Variants in LEO1 observed in about 807,000 individuals in gnomAD.
LEO1 encodes RNA polymerase-associated protein LEO1.
A neutral mutation model predicts 80.4 loss-of-function variants in LEO1; 34 were observed. That is an observed-to-expected ratio of 0.42 (90% confidence interval 0.32 to 0.56). The LOEUF (loss-of-function observed/expected upper bound fraction) is 0.56. Ranked by LOEUF, LEO1 falls within the 20% of genes least tolerant of loss-of-function variation. The pLI is 0.10. For synonymous variants in LEO1, 262 were observed against 274.9 expected (o/e 0.95, Z 0.46); for missense variants, 631 against 814.2 (o/e 0.77, Z 2.74).
rs773009070 is a variant in LEO1, at chr15:51,965,951, T to C, written c.612A>G (p.Leu204=). ...CAGAATTAGCCTTTTCCTCCTCAGA[T>C]AGCTGTTGTCTCTCATCATCGGAAA... is the stretch of plus-strand genomic sequence containing the variant. ...PQLSDDERQQ[L]SEEEKANSDD... The change falls in exon 2 of 12, where the codon CTA becomes CTG. Residue 204 remains leucine, a synonymous_variant. Transcript: ENST00000299601. 13 of 1,613,958 alleles carry C rather than the reference T, an allele frequency of 8.1e-6. No homozygotes were observed. Among genetic ancestry groups the C allele is most frequent in the African/African-American group, 4.0e-5 (3 of 74,920 alleles).
At chr15:51,946,349 C>T (rs1595932614) in intron 11 of LEO1, among the ~76,000 whole-genome samples, 1 of 151,930 alleles carries the variant, frequency 6.6e-6, no homozygotes, top group Non-Finnish European at 1.5e-5. Flanking sequence ...AGGCATGCGC[C>T]ACCACGCCCT....
Position 51,962,598 on chromosome 15 carries a change from T to C in LEO1, c.815-105A>G, listed in dbSNP as rs537046878. On this transcript the variant is annotated intron_variant, in intron 2 of 11. Coordinates refer to ENST00000299601, the MANE Select transcript of LEO1 (RefSeq NM_138792.4). ...AACAAATTGTGATACAATGGACTAC[T>C]ACTCAGCAATAAAGAGGAATGAACT... is the stretch of plus-strand genomic sequence containing the variant. 936 of 690,906 alleles carry C rather than the reference T, an allele frequency of 1.4e-3. 1 individual carries two copies. Among genetic ancestry groups the C allele is most frequent in the Admixed American group, 2.8e-3 (110 of 38,842 alleles). The allele number at this position is 690,906 out of a possible 1,614,324, so 42.8% of individuals were successfully genotyped here.
intron 11 of LEO1, among the ~76,000 whole-genome samples, chr15:51,942,526 T>A (rs1446043113): frequency 6.6e-6 from 1 of 152,162 alleles, no homozygotes; most frequent in African/African-American, 2.4e-5. Flanking sequence ...AAAAATAGCA[T>A]CTGCTTAGAT....
Position 51,960,647 on chromosome 15 carries a change from G to T in LEO1, c.1006C>A (p.Gln336Lys), listed in dbSNP as rs1478252048. The part of the protein sequence containing the change: ...DGEDKPPTPG[Q>K]PVDENGLPQD... ...GTTACTAACTGACTTACAACAGGCT[G>T]TCCTGGAGTAGGTGGTTTGTCTTCT... The change falls in exon 4 of 12, where the codon CAG (glutamine) becomes AAG (lysine). Residue 336 changes from glutamine (Q) to lysine (K), a missense_variant. This residue lies in a region of LEO1 where 95 missense variants were observed against 171.7 expected (regional missense o/e 0.55). Coordinates refer to ENST00000299601, the MANE Select transcript of LEO1 (RefSeq NM_138792.4). 1 of 1,587,650 alleles carries T rather than the reference G, an allele frequency of 6.3e-7. No individual in the cohort carries two copies. The highest frequency in any genetic ancestry group is 2.2e-5 in the East Asian group (1 of 44,760).
chr15:51,968,714 A>C (rs2057098226), intron 1 of LEO1, among the ~76,000 whole-genome samples: 1 of 152,022 alleles, frequency 6.6e-6, no homozygotes, highest in South Asian at 2.1e-4. Flanking sequence ...CTGTAGTCCC[A>C]GCTACTTGGG....
chr15:51,971,448 G>T (rs534398358), intron 1 of LEO1, among the ~76,000 whole-genome samples: 1 of 152,262 alleles, frequency 6.6e-6, no homozygotes, highest in African/African-American at 2.4e-5. Context: ...CGCCCCTTTC[G>T]CTCCACAAGC....
chr15:51,961,064 C>A (rs1480929349), intron 3 of LEO1, among the ~76,000 whole-genome samples: 1 of 152,166 alleles, frequency 6.6e-6, no homozygotes, highest in African/African-American at 2.4e-5. Flanking sequence ...CCACAGACAC[C>A]CATTTTCCAT....
At chr15:51,971,009 A>C (rs930995714) in intron 1 of LEO1, among the ~76,000 whole-genome samples, 3 of 152,214 alleles carry the variant, frequency 2.0e-5, no homozygotes, top group African/African-American at 7.2e-5. Flanking sequence ...ACTTCCAAGC[A>C]GCATGCACAT....
In LEO1 at chr15:51,960,683, C is replaced by G; in HGVS notation, c.970G>C (p.Gly324Arg). 6.2e-7 allele frequency: 1 copy of G among 1,612,280 alleles called. No homozygotes were observed. Among genetic ancestry groups the G allele is most frequent in the Non-Finnish European group, 8.5e-7 (1 of 1,178,256 alleles). The change falls in exon 4 of 12, where the codon GGG becomes CGG. Residue 324 changes from glycine to arginine, a missense_variant. By Grantham distance (125) the Gly-to-Arg change is moderately radical. Around this residue, in one of 4 missense-constraint regions of LEO1, gnomAD observed 394 missense variants for 395.6 expected, o/e 1.00. Coordinates refer to ENST00000299601, the MANE Select transcript of LEO1 (RefSeq NM_138792.4). The part of the protein sequence containing the change: ...LFGGADDISS[G>R]SDGEDKPPTP... ...GGTGGTTTGTCTTCTCCATCACTCC[C>G]TGAAGAGATATCATCTGCACCTCCA...
intron 11 of LEO1, among the ~76,000 whole-genome samples, chr15:51,941,266 G>T (rs1462346151): frequency 2.0e-5 from 3 of 152,100 alleles, no homozygotes; most frequent in Non-Finnish European, 4.4e-5. Context: ...AGATCCCAGT[G>T]TCATATATAA....
chr15:51,953,479 G>A (rs909517311), intron 7 of LEO1, among the ~76,000 whole-genome samples: 14 of 152,084 alleles, frequency 9.2e-5, no homozygotes, highest in African/African-American at 3.4e-4. Context: ...AAATCAGCTA[G>A]GCATGGAGGC....
At chr15:51,947,159 A>C in intron 11 of LEO1, 133 bp downstream of exon 11, 1 of 721,224 alleles carries the variant, frequency 1.4e-6, no homozygotes, top group Admixed American at 2.1e-5. Flanking sequence ...TTGTTACTGC[A>C]TTTATCTCAC....
At chr15:51,960,503 T>G (rs1426119297) in intron 4 of LEO1, 136 bp downstream of exon 4, 1 of 614,132 alleles carries the variant, frequency 1.6e-6, no homozygotes, top group Admixed American at 2.9e-5. Flanking sequence ...CCCTACATAA[T>G]GAAGAAAGTC....
At chr15:51,955,774 T>G (rs2056984412) in intron 6 of LEO1, among the ~76,000 whole-genome samples, 1 of 152,180 alleles carries the variant, frequency 6.6e-6, no homozygotes, top group African/African-American at 2.4e-5. Context: ...TGCAAATGTC[T>G]GTGCAGCTGG....
At chr15:51,970,573 T>C (rs746344925) in intron 1 of LEO1, among the ~76,000 whole-genome samples, 6 of 152,228 alleles carry the variant, frequency 3.9e-5, no homozygotes, top group Non-Finnish European at 5.9e-5. Flanking sequence ...GACATTATGC[T>C]AAGTAAAAGA....
intron 6 of LEO1, among the ~76,000 whole-genome samples, chr15:51,956,296 T>C (rs956084478): frequency 6.6e-6 from 1 of 151,990 alleles, no homozygotes; most frequent in East Asian, 1.9e-4. Context: ...GGCATGTGCC[T>C]GTAATTCCAG....
Position 51,969,836 on chromosome 15 carries a change from G to GT in LEO1, c.58+1851dup, listed in dbSNP as rs1307669789. On this transcript the variant is annotated intron_variant, in intron 1 of 11. Transcript: ENST00000299601. ...AGCCTGGGAGACAGACTGAGACTCC[G>GT]TTAAAAAAAAAAAAAAAAAAAAAAA... 1.9e-3 allele frequency among the ~76,000 whole-genome samples: 105 copies of GT among 55,558 alleles called. 4 individuals are homozygous for GT. The East Asian group carries it at 0.02, about 10-fold the overall frequency. 36.4% of individuals were successfully genotyped at this position (55,558 alleles called of 152,430 possible).
chr15:51,955,972 C>T (rs2056985772), intron 6 of LEO1, among the ~76,000 whole-genome samples: 2 of 152,176 alleles, frequency 1.3e-5, no homozygotes, highest in Admixed American at 1.3e-4. Flanking sequence ...AGATTGTTAA[C>T]TCGACAACTG....
In LEO1 at chr15:51,954,590, A is replaced by G. The variant is rs1301795488; in HGVS notation, c.1246-15T>C. 1.3e-6 allele frequency: 2 copies of G among 1,536,978 alleles called. No homozygotes were observed. Among genetic ancestry groups the G allele is most frequent in the East Asian group, 2.2e-5 (1 of 44,494 alleles). ...GTATTTTCTACCTGTTTCACAACAC[A>G]AGTACTTTAGAAAATTATAGTTTAA... is the stretch of plus-strand genomic sequence containing the variant. On this transcript the variant is annotated splice_polypyrimidine_tract_variant and intron_variant, in intron 6 of 11. Transcript: ENST00000299601.
Sources: allele counts gnomAD v4.1 joint callset (sites outside exome capture counted in the v4.1 genomes callset), GRCh38; gene constraint gnomAD v4.1.1; regional missense constraint gnomAD v4.1.1; transcripts MANE v1.5; gene names NCBI Gene and HGNC (gene_info 2026-07-23, HGNC 2026-07-21).